HMCN1: variants seen among roughly 807,000 people sequenced by gnomAD.
HMCN1 encodes hemicentin-1.
Under a neutral mutation model 625.9 loss-of-function variants are expected in HMCN1, and 321 were observed. That is an observed-to-expected ratio of 0.51 (90% CI 0.47 to 0.56). The LOEUF is 0.56. Among genes scored for constraint, HMCN1 ranks in the 20% least tolerant of loss-of-function variants. The pLI is 0.00. For synonymous variants in HMCN1, 2,425 were observed against 2,417.6 expected (o/e 1.00, Z -0.09); for missense variants, 6,588 against 6,887.3 (o/e 0.96, Z 1.54).
rs374240950 is a variant in HMCN1 at position 186,190,752 on chromosome 1, C to T, written c.*874C>T. On this transcript the variant is annotated 3_prime_UTR_variant, in exon 107 of 107. Transcript: ENST00000271588. ...TGTTCAAATTAACATAAATATTACA[C>T]GTCAATACACTGTACATGGTGGTAA... 16 of 196,072 alleles carry T rather than the reference C, an allele frequency of 8.2e-5. No individual in the cohort carries two copies. The South Asian group carries it at 1.9e-3, about 23-fold the overall frequency. The allele number at this position is 196,072 out of a possible 1,614,324, so 12.1% of individuals were successfully genotyped here. A position where few individuals can be genotyped will look rare whatever the true frequency, so the allele number is the denominator to read the frequency against.
chr1:186,140,015 C>T (rs1459014201), intron 89 of HMCN1, among the ~76,000 whole-genome samples: 1 of 152,106 alleles, frequency 6.6e-6, no homozygotes, highest in Non-Finnish European at 1.5e-5. Context: ...AAGAAGAGTA[C>T]AGATAATTAT....
At chr1:186,040,252 A>G (rs1304432988) in intron 39 of HMCN1, among the ~76,000 whole-genome samples, 1 of 152,132 alleles carries the variant, frequency 6.6e-6, no homozygotes, top group East Asian at 1.9e-4. Flanking sequence ...AATGTCTTGA[A>G]ATAGTAATGA....
At chr1:185,874,394 G>A (rs1663808119) in intron 4 of HMCN1, among the ~76,000 whole-genome samples, 1 of 151,978 alleles carries the variant, frequency 6.6e-6, no homozygotes, top group South Asian at 2.1e-4. Flanking sequence ...CAAAGTACAG[G>A]AAATTTTATT....
intron 61 of HMCN1, 26 bp downstream of exon 61, chr1:186,088,039 C>CT (rs761237199): frequency 6.8e-6 from 11 of 1,611,918 alleles, no homozygotes; most frequent in Non-Finnish European, 9.3e-6. Context: ...TAATACAACT[C>CT]TTTTTCCCCT....
chr1:186,057,763 C>T (rs1263138502), intron 46 of HMCN1, among the ~76,000 whole-genome samples: 1 of 151,978 alleles, frequency 6.6e-6, no homozygotes, highest in African/African-American at 2.4e-5. Context: ...TAAAATACTT[C>T]TATAACCAAA....
In HMCN1 at chr1:186,123,225, G is replaced by GTTGT; in HGVS notation, c.12499+8_12499+11dup. 1 of 1,612,510 alleles carries GTTGT rather than the reference G, an allele frequency of 6.2e-7. No homozygotes were observed. Among genetic ancestry groups the GTTGT allele is most frequent in the Non-Finnish European group, 8.5e-7 (1 of 1,179,176 alleles). On this transcript the variant is annotated splice_donor_region_variant and intron_variant, in intron 81 of 106. Transcript: ENST00000271588. ...GCACCAAGCTCACCGTCCATGGTAG[G>GTTGT]TTGTTTAACATGAATTATTTTAGTC...
chr1:185,867,225 A>C (rs925593830), intron 4 of HMCN1, among the ~76,000 whole-genome samples: 4 of 152,182 alleles, frequency 2.6e-5, no homozygotes, highest in Admixed American at 2.6e-4. Context: ...TTAGGTTTAT[A>C]TTGTGTGCAC....
rs1652993713 is a variant in HMCN1 at position 186,182,399 on chromosome 1, T to C, written c.16414+112T>C. Reference sequence around the variant, plus strand: ...CCTAGTGGCTTCCCCTTCTTACCCATTCCCGTGGGTCAGAATTATGTTCAG... The same window carrying C: ...CCTAGTGGCTTCCCCTTCTTACCCACTCCCGTGGGTCAGAATTATGTTCAG... On this transcript the variant is annotated intron_variant, in intron 105 of 106. Coordinates refer to ENST00000271588, the MANE Select transcript of HMCN1 (RefSeq NM_031935.3). 4 of 1,204,716 alleles carry C rather than the reference T, an allele frequency of 3.3e-6. No individual in the cohort carries two copies. In the East Asian group the frequency reaches 7.4e-5, roughly 22 times the overall value. The allele number at this position is 1,204,716 out of a possible 1,614,324, so 74.6% of individuals were successfully genotyped here. A position where few individuals can be genotyped will look rare whatever the true frequency, so the allele number is the denominator to read the frequency against.
At chr1:186,070,894 A>T in intron 52 of HMCN1, 137 bp downstream of exon 52, 1 of 879,014 alleles carries the variant, frequency 1.1e-6, no homozygotes, top group East Asian at 2.6e-5. Flanking sequence ...TGCTCCTAGA[A>T]TCTAAAACTT....
intron 16 of HMCN1, 78 bp downstream of exon 16, chr1:185,978,059 A>G: frequency 9.7e-7 from 1 of 1,027,380 alleles, no homozygotes; most frequent in Non-Finnish European, 1.5e-6. Flanking sequence ...AGGTATTGCT[A>G]TTTAAAATAG....
intron 1 of HMCN1, among the ~76,000 whole-genome samples, chr1:185,804,944 T>C (rs2102232631): frequency 6.6e-6 from 1 of 152,258 alleles, no homozygotes; most frequent in East Asian, 1.9e-4. Context: ...AAAAAAACTA[T>C]ACTATTTCTC....
chr1:186,139,249 C>T (rs1649806199), intron 89 of HMCN1, among the ~76,000 whole-genome samples: 1 of 152,158 alleles, frequency 6.6e-6, no homozygotes, highest in Non-Finnish European at 1.5e-5. Context: ...AATTATGAAG[C>T]TTATTTAAAT....
intron 5 of HMCN1, 125 bp downstream of exon 5, chr1:185,909,633 C>G: frequency 1.2e-6 from 1 of 843,054 alleles, no homozygotes; most frequent in Admixed American, 2.2e-5. Context: ...TCAGAAGTGG[C>G]TAAGGAAGGT....
chr1:186,099,160 A>T (rs2102433015), intron 68 of HMCN1, among the ~76,000 whole-genome samples: 1 of 152,206 alleles, frequency 6.6e-6, no homozygotes, highest in South Asian at 2.1e-4. Flanking sequence ...GAGGAATTTC[A>T]ATGCTTTCAC....
At chr1:186,063,925 T>G (rs919371959) in intron 48 of HMCN1, among the ~76,000 whole-genome samples, 1 of 152,152 alleles carries the variant, frequency 6.6e-6, no homozygotes, top group African/African-American at 2.4e-5. Context: ...CCTTGCAGTT[T>G]TAAAGTAAGA....
chr1:186,072,477 AACAG>A (rs1477631627), intron 52 of HMCN1, among the ~76,000 whole-genome samples: 3 of 152,178 alleles, frequency 2.0e-5, no homozygotes, highest in African/African-American at 7.2e-5. Flanking sequence ...CTGTGAAAGA[AACAG>A]ACACAAATTT....
At chr1:186,033,562 A>C (rs1202764867) in intron 36 of HMCN1, among the ~76,000 whole-genome samples, 1 of 151,642 alleles carries the variant, frequency 6.6e-6, no homozygotes, top group Admixed American at 6.6e-5. Flanking sequence ...GTTATACTAC[A>C]TTTTTATTTG....
At chr1:186,064,257 T>C (rs980998672) in intron 48 of HMCN1, among the ~76,000 whole-genome samples, 1 of 151,948 alleles carries the variant, frequency 6.6e-6, no homozygotes, top group East Asian at 1.9e-4. Context: ...GGTTTTAAAA[T>C]TTTTTTTAAG....
chr1:186,136,942 G>C lies in HMCN1; in HGVS notation c.13582+5G>C. On this transcript the variant is annotated splice_donor_5th_base_variant and intron_variant, in intron 87 of 106. Transcript: ENST00000271588. ...GAGTGCCAGTCATAGTCCAGGGTGA[G>C]TGTGATCAGAGGAATATTCATAGTA... 1.2e-6 allele frequency: 2 copies of C among 1,612,976 alleles called. No individual in the cohort carries two copies. The highest frequency in any genetic ancestry group is 1.7e-4 in the Middle Eastern group (1 of 6,054).
Sources: gnomAD v4.1 joint callset for allele counts (sites outside exome capture counted in the v4.1 genomes callset) on GRCh38, gnomAD v4.1.1 for gene constraint, MANE v1.5 for transcripts, NCBI Gene and HGNC (gene_info 2026-07-23, HGNC 2026-07-21) for gene names.